THRB: variants seen among roughly 807,000 people sequenced by gnomAD.
THRB encodes thyroid hormone receptor beta, also known as nuclear receptor subfamily 1 group A member 2.
THRB carries 12 observed loss-of-function variants against 47.8 expected under a neutral mutation model. The observed-to-expected ratio is 0.25, with a 90% CI of 0.16 to 0.41. The LOEUF (loss-of-function observed/expected upper bound fraction) is 0.41, where lower values mean the gene tolerates loss of function less well. Ranked by LOEUF, THRB falls within the 10% of genes least tolerant of loss-of-function variation. The pLI is 1.00. For missense variants in THRB, 348 were observed against 589.2 expected (o/e 0.59, Z 4.24); for synonymous variants, 218 against 212.2 (o/e 1.03, Z -0.24).
chr3:24,240,848 TG>T (rs1321015461), intron 3 of THRB, among the ~76,000 whole-genome samples: 1 of 150,050 alleles, frequency 6.7e-6, no homozygotes, highest in Non-Finnish European at 1.5e-5. Flanking sequence ...ACCACCAGCC[TG>T]ATCCATTTAA....
At chr3:24,136,669 T>A (rs1282556861) in intron 8 of THRB, among the ~76,000 whole-genome samples, 2 of 152,234 alleles carry the variant, frequency 1.3e-5, no homozygotes, top group Admixed American at 6.5e-5. Context: ...GCTCCAATAC[T>A]GATGATAAGT....
At chr3:24,312,613 T>A (rs533679005) in intron 2 of THRB, among the ~76,000 whole-genome samples, 68 of 152,298 alleles carry the variant, frequency 4.5e-4, no homozygotes, top group South Asian at 1.9e-3. Context: ...TCTCCTTCTA[T>A]ATCCTTCAAT....
intron 3 of THRB, among the ~76,000 whole-genome samples, chr3:24,287,659 T>A (rs929850093): frequency 3.9e-5 from 6 of 152,180 alleles, no homozygotes; most frequent in Non-Finnish European, 8.8e-5. Context: ...TAGAGAATGT[T>A]TGAGAATCTT....
intron 4 of THRB, among the ~76,000 whole-genome samples, chr3:24,226,302 A>G (rs2047645770): frequency 1.3e-5 from 2 of 152,150 alleles, no homozygotes; most frequent in Non-Finnish European, 2.9e-5. Flanking sequence ...TAACTTCATT[A>G]TGGTCTTCCT....
intron 5 of THRB, among the ~76,000 whole-genome samples, chr3:24,158,841 C>CCT (rs10530553): frequency 0.017 from 2,556 of 147,448 alleles, 22 homozygotes; most frequent in South Asian, 0.047. Context: ...GACAGCTCTT[C>CCT]CTCTCTCTCT....
At chr3:24,363,463 T>C (rs1051418159) in intron 1 of THRB, among the ~76,000 whole-genome samples, 1 of 152,170 alleles carries the variant, frequency 6.6e-6, no homozygotes, top group African/African-American at 2.4e-5. Context: ...TGGTAAATAT[T>C]AAGCAATCCA....
At chr3:24,281,610 A>C (rs552268883) in intron 3 of THRB, among the ~76,000 whole-genome samples, 1 of 107,800 alleles carries the variant, frequency 9.3e-6, no homozygotes, top group East Asian at 3.1e-4. Context: ...TAAATGGACT[A>C]AATGCTCCAA....
chr3:24,250,327 T>C (rs2050535757), intron 3 of THRB, among the ~76,000 whole-genome samples: 1 of 152,158 alleles, frequency 6.6e-6, no homozygotes, highest in Admixed American at 6.5e-5. Flanking sequence ...TGTTTCAGTC[T>C]CCATCTGCCT....
rs116518368 is a variant in THRB, at chr3:24,173,711, C to A, written c.283+16363G>T. 3.2e-3 allele frequency among the ~76,000 whole-genome samples: 495 copies of A among 152,348 alleles called. 4 individuals carry two copies. The highest frequency in any genetic ancestry group is 0.011 in the African/African-American group (470 of 41,594). Reference sequence around the variant, plus strand: ...AGTCATCTTCAAGGGATGATCTCCTCATCTGTCTTTTACAATTGGCCATAA... The same window carrying A: ...AGTCATCTTCAAGGGATGATCTCCTAATCTGTCTTTTACAATTGGCCATAA... On this transcript the variant is annotated intron_variant, in intron 5 of 10. Coordinates refer to ENST00000646209, the MANE Select transcript of THRB (RefSeq NM_001354712.2).
At chr3:24,453,758 T>G (rs573889470) in intron 1 of THRB, among the ~76,000 whole-genome samples, 1 of 152,300 alleles carries the variant, frequency 6.6e-6, no homozygotes. Context: ...TTCCCAGACT[T>G]TGTCTCCTAC....
intron 1 of THRB, among the ~76,000 whole-genome samples, chr3:24,425,066 T>A (rs559602658): frequency 3.2e-4 from 48 of 152,034 alleles, no homozygotes; most frequent in African/African-American, 1.1e-3. Context: ...TGATTATAAT[T>A]TTTGATTTTA....
rs140716541 is a variant in THRB, at chr3:24,173,772, A to G, written c.283+16302T>C. 1.4e-4 allele frequency among the ~76,000 whole-genome samples: 21 copies of G among 152,232 alleles called. No homozygotes were observed. The East Asian group carries it at 4.0e-3, about 29-fold the overall frequency. On this transcript the variant is annotated intron_variant, in intron 5 of 10. Transcript: ENST00000646209. ...ATTCTCAGCCCTCTTCTAACCATAC[A>G]TATTCTTCCAGGTGAAGCCATCAGT...
chr3:24,201,064 T>C (rs535715066), intron 4 of THRB, among the ~76,000 whole-genome samples: 1 of 152,144 alleles, frequency 6.6e-6, no homozygotes, highest in Non-Finnish European at 1.5e-5. Flanking sequence ...GTGCCTGTCT[T>C]GTGGAAGATA....
chr3:24,298,111 G>C (rs2056600270), intron 2 of THRB, among the ~76,000 whole-genome samples: 1 of 152,162 alleles, frequency 6.6e-6, no homozygotes, highest in African/African-American at 2.4e-5. Flanking sequence ...TATGAAATGT[G>C]AGAAAATGAA....
chr3:24,484,809 T>C (rs975472876), intron 1 of THRB, among the ~76,000 whole-genome samples: 2 of 152,222 alleles, frequency 1.3e-5, no homozygotes, highest in Non-Finnish European at 2.9e-5. Flanking sequence ...ATAGATAATG[T>C]TTGCCAACCC....
intron 4 of THRB, among the ~76,000 whole-genome samples, chr3:24,224,729 T>C (rs1293679134): frequency 6.6e-6 from 1 of 152,222 alleles, no homozygotes; most frequent in African/African-American, 2.4e-5. Flanking sequence ...TTCTTTATAC[T>C]CAACCATCAA....
chr3:24,450,675 G>A (rs2072560512), intron 1 of THRB, among the ~76,000 whole-genome samples: 2 of 152,170 alleles, frequency 1.3e-5, no homozygotes, highest in Non-Finnish European at 2.9e-5. Flanking sequence ...AGGTAAACCA[G>A]TGTAGGTAAA....
intron 5 of THRB, among the ~76,000 whole-genome samples, chr3:24,180,133 TTGA>T (rs2041703273): frequency 1.3e-5 from 2 of 151,924 alleles, no homozygotes; most frequent in South Asian, 2.1e-4. Flanking sequence ...ACCTTTAGTT[TTGA>T]CCTTTAGTTT....
At chr3:24,465,979 T>C (rs566149678) in intron 1 of THRB, among the ~76,000 whole-genome samples, 1 of 152,258 alleles carries the variant, frequency 6.6e-6, no homozygotes, top group African/African-American at 2.4e-5. Flanking sequence ...TCTAAGCTCT[T>C]TATTTATGAG....
Sources: gnomAD v4.1 joint callset for allele counts (sites outside exome capture counted in the v4.1 genomes callset) on GRCh38, gnomAD v4.1.1 for gene constraint, MANE v1.5 for transcripts, NCBI Gene and HGNC (gene_info 2026-07-23, HGNC 2026-07-21) for gene names.